Variants in GLI3 observed in about 807,000 individuals in gnomAD.
GLI3 encodes the protein transcription activator GLI3.
In GLI3, 20 loss-of-function variants were observed where a neutral mutation model predicts 100.8. The observed-to-expected ratio is 0.20, with a 90% CI of 0.14 to 0.29. GLI3 has a LOEUF of 0.29. GLI3 is among the 10% of genes least tolerant of loss of function. The pLI is 1.00. For missense variants in GLI3, 2,040 were observed against 2,128.5 expected, an observed-to-expected ratio of 0.96 and a Z score of 0.82; for synonymous variants, 938 against 860.5, an observed-to-expected ratio of 1.09 and a Z score of -1.58.
chr7:42,166,816 T>G (rs1046654519), intron 2 of GLI3, among the ~76,000 whole-genome samples: 4 of 138,544 alleles, frequency 2.9e-5, no homozygotes, highest in Admixed American at 2.8e-4. Flanking sequence ...CACGCCACCA[T>G]GACCAGCTAA....
intron 3 of GLI3, among the ~76,000 whole-genome samples, chr7:42,139,322 C>T (rs1303301416): frequency 6.6e-6 from 1 of 152,092 alleles, no homozygotes; most frequent in East Asian, 1.9e-4. Context: ...TTGGGGTTAC[C>T]TATTACAGAG....
At chr7:42,253,664 T>C (rs1424078660) in intron 1 of GLI3, among the ~76,000 whole-genome samples, 2 of 152,244 alleles carry the variant, frequency 1.3e-5, no homozygotes. Context: ...GGTAAGTTAA[T>C]TAAAATTTCT....
chr7:42,219,469 C>T (rs983912528), intron 2 of GLI3, among the ~76,000 whole-genome samples: 1 of 151,792 alleles, frequency 6.6e-6, no homozygotes, highest in Non-Finnish European at 1.5e-5. Flanking sequence ...TTTTCACTTG[C>T]ATTATTTTAA....
chr7:42,042,151 T>C (rs1784152946), intron 6 of GLI3, among the ~76,000 whole-genome samples: 1 of 151,790 alleles, frequency 6.6e-6, no homozygotes, highest in Admixed American at 6.6e-5. Flanking sequence ...TAGCTGGGAC[T>C]ACAGACACAC....
chr7:42,106,095 G>T (rs1036792545), intron 3 of GLI3, among the ~76,000 whole-genome samples: 1 of 152,114 alleles, frequency 6.6e-6, no homozygotes, highest in African/African-American at 2.4e-5. Context: ...CGGGCAAGCA[G>T]GAAGAAGCAT....
chr7:42,167,706 T>A (rs1787273072), intron 2 of GLI3, among the ~76,000 whole-genome samples: 1 of 152,218 alleles, frequency 6.6e-6, no homozygotes, highest in Admixed American at 6.5e-5. Flanking sequence ...ACTATCAGCC[T>A]TTCATCTTGA....
rs138038290 is a variant in GLI3 at position 42,184,789 on chromosome 7, G to A, written c.125-36321C>T. Among the ~76,000 whole-genome samples the A allele has an allele frequency of 6.5e-3, 993 of 152,082 alleles. 15 individuals are homozygous for A. The highest frequency in any genetic ancestry group is 0.023 in the African/African-American group (947 of 41,488). ...ATTATTAGATCAATAACTAATTTGTGTGAAGGTGTGAAGGCCCAGCCGTCT... is the reference window on the plus strand; with the variant it reads ...ATTATTAGATCAATAACTAATTTGTATGAAGGTGTGAAGGCCCAGCCGTCT... On this transcript the variant is annotated intron_variant, in intron 2 of 14. Coordinates refer to ENST00000395925, the MANE Select transcript of GLI3 (RefSeq NM_000168.6).
At chr7:42,257,240 AT>A (rs960608548) in intron 1 of GLI3, among the ~76,000 whole-genome samples, 2 of 150,734 alleles carry the variant, frequency 1.3e-5, no homozygotes, top group African/African-American at 2.4e-5. Flanking sequence ...ATACCACTAA[AT>A]TTTTTTTCTT....
At chr7:42,177,418 C>A (rs909846387) in intron 2 of GLI3, among the ~76,000 whole-genome samples, 1 of 151,944 alleles carries the variant, frequency 6.6e-6, no homozygotes, top group Non-Finnish European at 1.5e-5. Context: ...CATATAAGGG[C>A]GGAAAATGAA....
chr7:42,241,491 A>T (rs2128708968), upstream of GLI3, among the ~76,000 whole-genome samples: 1 of 152,264 alleles, frequency 6.6e-6, no homozygotes, highest in African/African-American at 2.4e-5. Context: ...ATCTCTCAGG[A>T]GTGCCTTGGG....
intron 8 of GLI3, 42 bp downstream of exon 8, chr7:42,026,157 G>A (rs772766325): frequency 5.7e-5 from 83 of 1,455,728 alleles, no homozygotes; most frequent in Middle Eastern, 2.0e-4. Context: ...CCCCACCCTC[G>A]GCTGACCAGC....
chr7:42,025,041 G>T (rs543726745), intron 9 of GLI3, among the ~76,000 whole-genome samples: 3 of 152,302 alleles, frequency 2.0e-5, no homozygotes, highest in African/African-American at 7.2e-5. Flanking sequence ...TGTCCCGCAT[G>T]GCTTCCTGCA....
In GLI3 at chr7:42,040,148, A is replaced by C. The variant is rs766238053; in HGVS notation, c.918T>G (p.Leu306=). ...TGGGAGACGTCCTTATCATGGTCTG[A>C]AGGTCAAAGCTATGATCGGAGAGTG... The part of the protein sequence containing the change: ...ISPLSDHSFD[L]QTMIRTSPNS... The change falls in exon 7 of 15, where the codon CTT becomes CTG. Residue 306 remains leucine (L), a synonymous_variant. Coordinates refer to ENST00000395925, the MANE Select transcript of GLI3 (RefSeq NM_000168.6). 1.2e-6 allele frequency: 2 copies of C among 1,613,668 alleles called. No homozygotes were observed. Among genetic ancestry groups the C allele is most frequent in the East Asian group, 4.5e-5 (2 of 44,892 alleles).
rs752024375 is a variant in GLI3, at chr7:41,966,337, G to A, written c.2736C>T (p.Ser912=). 3.1e-6 allele frequency: 5 copies of A among 1,607,552 alleles called. No homozygotes were observed. The South Asian group carries it at 3.3e-5, about 11-fold the overall frequency. The change falls in exon 15 of 15, where the codon AGC becomes AGT. Residue 912 remains serine (S), a synonymous_variant. Coordinates refer to ENST00000395925, the MANE Select transcript of GLI3 (RefSeq NM_000168.6). The surrounding 1 kb of genome is among the most constrained non-coding windows in gnomAD (Gnocchi z 5.8). ...GGCTGAGCAGGCTGGGCAGGCCGTC[G>A]CTCTGGCTGGCTTCGCTGGAGCGGC... ...ASRRSSEASQ[S]DGLPSLLSLT... is the part of the protein sequence containing the mutation.
intron 7 of GLI3, among the ~76,000 whole-genome samples, chr7:42,033,716 C>A (rs1284219319): frequency 6.6e-6 from 1 of 152,138 alleles, no homozygotes; most frequent in East Asian, 1.9e-4. Flanking sequence ...ATCCAAAGAA[C>A]CATTTTTTTT....
chr7:42,242,362 G>A (rs189421500), upstream of GLI3, among the ~76,000 whole-genome samples: 10 of 152,290 alleles, frequency 6.6e-5, no homozygotes, highest in Non-Finnish European at 1.2e-4. Context: ...TCCTGGAAAC[G>A]TAGGTTTGCT....
At chr7:42,213,722 G>C (rs1422457792) in intron 2 of GLI3, among the ~76,000 whole-genome samples, 1 of 152,226 alleles carries the variant, frequency 6.6e-6, no homozygotes. Flanking sequence ...CCCGTAAGTG[G>C]AAATGTCGCC....
At chr7:42,121,767 C>T (rs1222382047) in intron 3 of GLI3, among the ~76,000 whole-genome samples, 1 of 152,162 alleles carries the variant, frequency 6.6e-6, no homozygotes, top group Non-Finnish European at 1.5e-5. Flanking sequence ...AAGCAGTAGG[C>T]ACCCATTGAA....
intron 3 of GLI3, among the ~76,000 whole-genome samples, chr7:42,105,333 A>C (rs1785549363): frequency 2.6e-5 from 4 of 152,206 alleles, no homozygotes; most frequent in Admixed American, 2.6e-4. Context: ...ATTTGGAAGC[A>C]GATTACATCT....
Sources: allele counts gnomAD v4.1 joint callset (sites outside exome capture counted in the v4.1 genomes callset), GRCh38; gene constraint gnomAD v4.1.1; non-coding constraint Gnocchi (gnomAD v3.1); transcripts MANE v1.5; gene names NCBI Gene and HGNC (gene_info 2026-07-23, HGNC 2026-07-21).